FGF18: variants seen among roughly 807,000 people sequenced by gnomAD.
The protein encoded by FGF18 is fibroblast growth factor 18.
A neutral mutation model predicts 23.0 loss-of-function variants in FGF18; 5 were observed. That is an observed-to-expected ratio of 0.22 (90% CI 0.11 to 0.46). The LOEUF is 0.46. Among genes scored for constraint, FGF18 ranks in the 20% least tolerant of loss-of-function variants. The pLI, the probability that FGF18 is intolerant of heterozygous loss-of-function variation, is 0.99. For synonymous variants in FGF18, 117 were observed against 118.9 expected, an observed-to-expected ratio of 0.98 and a Z score of 0.10; for missense variants, 180 against 291.6, an observed-to-expected ratio of 0.62 and a Z score of 2.79.
chr5:171,430,560 G>C (rs1425771796), intron 2 of FGF18, among the ~76,000 whole-genome samples: 53 of 143,068 alleles, frequency 3.7e-4, no homozygotes, highest in Non-Finnish European at 5.8e-4. Context: ...AGGCCGAGGC[G>C]GGTGGATCAT....
At chr5:171,442,605 C>T (rs1271435191) in intron 3 of FGF18, among the ~76,000 whole-genome samples, 1 of 152,250 alleles carries the variant, frequency 6.6e-6, no homozygotes, top group African/African-American at 2.4e-5. Flanking sequence ...TTACCCCAGG[C>T]TTGGGGAAAA....
intron 3 of FGF18, among the ~76,000 whole-genome samples, chr5:171,437,632 G>A (rs1272628525): frequency 6.6e-6 from 1 of 152,028 alleles, no homozygotes. Flanking sequence ...CCTCTCCCAG[G>A]CCCTCTGCTG....
At position 171,436,331 on chromosome 5, in the gene FGF18, T is replaced by G. The variant is rs529686519; in HGVS notation, c.250+58T>G. 1 of 1,323,452 alleles carries G rather than the reference T, an allele frequency of 7.6e-7. No homozygotes were observed. The highest frequency in any genetic ancestry group is 1.9e-5 in the South Asian group (1 of 51,624). 82.0% of individuals were successfully genotyped at this position (1,323,452 alleles called of 1,614,324 possible). A position where few individuals can be genotyped will look rare whatever the true frequency, so the allele number is the denominator to read the frequency against. ...ACCCGTGTACATGTCCTTCCTGGCC[T>G]CAGAGACCTCAAGTTCAAATGCCAG... On this transcript the variant is annotated intron_variant, in intron 3 of 4. Coordinates refer to ENST00000274625, the MANE Select transcript of FGF18 (RefSeq NM_003862.3). This position sits in a 1 kb window ranked among gnomAD's most constrained non-coding sequence, Gnocchi z 4.4.
chr5:171,437,973 C>T (rs1772277101), intron 3 of FGF18, among the ~76,000 whole-genome samples: 1 of 152,226 alleles, frequency 6.6e-6, no homozygotes, highest in African/African-American at 2.4e-5. Flanking sequence ...ATTCCCTCTG[C>T]CTGAACTGGG....
In FGF18 at chr5:171,457,517, A is replaced by G. The variant is rs914653564; in HGVS notation, c.*712A>G. 2.0e-5 allele frequency: 3 copies of G among 151,380 alleles called. No individual in the cohort carries two copies. Among genetic ancestry groups the G allele is most frequent in the Admixed American group, 6.6e-5 (1 of 15,208 alleles). The allele number at this position is 151,380 out of a possible 1,614,324, so 9.4% of individuals were successfully genotyped here. ...TTTTAAAACCAGCTATATTATATAT[A>G]TTATATATATATAAGCTATTTATTT... On this transcript the variant is annotated 3_prime_UTR_variant, in exon 5 of 5. Coordinates refer to ENST00000274625, the MANE Select transcript of FGF18 (RefSeq NM_003862.3).
chr5:171,453,177 GC>G (rs1485533960), intron 4 of FGF18, among the ~76,000 whole-genome samples: 2 of 151,860 alleles, frequency 1.3e-5, no homozygotes, highest in African/African-American at 2.4e-5. Flanking sequence ...TGGAGTCTCT[GC>G]TGTGGTGAGC....
Position 171,451,675 on chromosome 5 carries a change from C to T in FGF18, c.357+2422C>T, listed in dbSNP as rs995461228. On this transcript the variant is annotated intron_variant, in intron 4 of 4. Coordinates refer to ENST00000274625, the MANE Select transcript of FGF18 (RefSeq NM_003862.3). This position sits in a 1 kb window ranked among gnomAD's most constrained non-coding sequence, Gnocchi z 4.5. ...AGCTCCAAACCCATCCATGGGTCCT[C>T]CCACCTTGCTATGGGACACCGAAGG... Among the ~76,000 whole-genome samples the T allele has an allele frequency of 1.3e-5, 2 of 152,162 alleles. No individual in the cohort carries two copies. The highest frequency in any genetic ancestry group is 2.9e-5 in the Non-Finnish European group (2 of 68,022).
At chr5:171,441,807 A>T (rs1772349547) in intron 3 of FGF18, among the ~76,000 whole-genome samples, 1 of 152,150 alleles carries the variant, frequency 6.6e-6, no homozygotes, top group Admixed American at 6.5e-5. Flanking sequence ...GTGTCAGGGT[A>T]TGTGGCAGGT....
Position 171,434,602 on chromosome 5 carries a change from G to A in FGF18, c.70-1491G>A, listed in dbSNP as rs960710401. ...AGAATGCTGTCTGGGCTTCAGGAATGGCTCAGCCTTGTGGTTGACATGGGA... is the reference window on the plus strand; with the variant it reads ...AGAATGCTGTCTGGGCTTCAGGAATAGCTCAGCCTTGTGGTTGACATGGGA... On this transcript the variant is annotated intron_variant, in intron 2 of 4. Coordinates refer to ENST00000274625, the MANE Select transcript of FGF18 (RefSeq NM_003862.3). This position sits in a 1 kb window ranked among gnomAD's most constrained non-coding sequence, Gnocchi z 4.6. 6.6e-6 allele frequency among the ~76,000 whole-genome samples: 1 copy of A among 152,178 alleles called. No homozygotes were observed. The highest frequency in any genetic ancestry group is 1.5e-5 in the Non-Finnish European group (1 of 68,044).
intron 2 of FGF18, among the ~76,000 whole-genome samples, chr5:171,424,379 G>A (rs912981093): frequency 6.6e-6 from 1 of 152,232 alleles, no homozygotes; most frequent in African/African-American, 2.4e-5. Context: ...AAATTCTAAA[G>A]TGTCCCTTAC....
chr5:171,433,541 T>C (rs986282458), intron 2 of FGF18, among the ~76,000 whole-genome samples: 1 of 152,138 alleles, frequency 6.6e-6, no homozygotes, highest in African/African-American at 2.4e-5. Context: ...TCAGGAGCAC[T>C]GGAGTTCTTC....
chr5:171,421,116 G>A (rs1168507497), intron 2 of FGF18, among the ~76,000 whole-genome samples: 1 of 152,234 alleles, frequency 6.6e-6, no homozygotes, highest in Admixed American at 6.5e-5. Context: ...AGGGCTTGGC[G>A]CTCGGCCTGG....
chr5:171,435,264 T>C (rs1371634996), intron 2 of FGF18, among the ~76,000 whole-genome samples: 1 of 151,498 alleles, frequency 6.6e-6, no homozygotes, highest in Non-Finnish European at 1.5e-5. Flanking sequence ...GGAGAGGGGA[T>C]TGGGTTTGGT....
At chr5:171,437,521 G>A (rs757796140) in intron 3 of FGF18, among the ~76,000 whole-genome samples, 2 of 151,954 alleles carry the variant, frequency 1.3e-5, no homozygotes, top group Non-Finnish European at 2.9e-5. Context: ...TCTTCCTTTC[G>A]CAGCTTTTCC....
Position 171,440,573 on chromosome 5 carries a change from A to G in FGF18, c.250+4300A>G, listed in dbSNP as rs3934591. ...AAAGAGCCTTCAGTCTAGGGCCCCCATTCCTTACTAGAGGCTGACTTTGAG... is the reference window on the plus strand; with the variant it reads ...AAAGAGCCTTCAGTCTAGGGCCCCCGTTCCTTACTAGAGGCTGACTTTGAG... On this transcript the variant is annotated intron_variant, in intron 3 of 4. Coordinates refer to ENST00000274625, the MANE Select transcript of FGF18 (RefSeq NM_003862.3). This position sits in a 1 kb window ranked among gnomAD's most constrained non-coding sequence, Gnocchi z 4.0. 0.55 allele frequency among the ~76,000 whole-genome samples: 83,927 copies of G among 151,886 alleles called. 23,319 individuals carry two copies. The highest frequency in any genetic ancestry group is 0.6 in the African/African-American group (25,034 of 41,412).
Position 171,436,985 on chromosome 5 carries a change from G to A in FGF18, c.250+712G>A, listed in dbSNP as rs1288131516. 6.6e-6 allele frequency among the ~76,000 whole-genome samples: 1 copy of A among 152,244 alleles called. No homozygotes were observed. The highest frequency in any genetic ancestry group is 2.4e-5 in the African/African-American group (1 of 41,470). On this transcript the variant is annotated intron_variant, in intron 3 of 4. Coordinates refer to ENST00000274625, the MANE Select transcript of FGF18 (RefSeq NM_003862.3). The surrounding 1 kb of genome is among the most constrained non-coding windows in gnomAD (Gnocchi z 4.4). ...GGCCTCTGGCCTAGACAGACACTGA[G>A]CAAATACCACGCAGATTATTTATTT... is the stretch of plus-strand genomic sequence containing the variant.
chr5:171,425,521 G>A (rs1432896255), intron 2 of FGF18, among the ~76,000 whole-genome samples: 1 of 130,486 alleles, frequency 7.7e-6, no homozygotes, highest in Non-Finnish European at 1.6e-5. Context: ...GCACCTGGCC[G>A]CCATGTGCTT....
intron 2 of FGF18, among the ~76,000 whole-genome samples, chr5:171,435,229 T>A (rs1353301377): frequency 6.6e-6 from 1 of 151,778 alleles, no homozygotes; most frequent in Admixed American, 6.6e-5. Context: ...TTCACTGAAG[T>A]GTGATGGGAA....
At position 171,434,769 on chromosome 5, in the gene FGF18, T is replaced by C. The variant is rs145136297; in HGVS notation, c.70-1324T>C. On this transcript the variant is annotated intron_variant, in intron 2 of 4. Transcript: ENST00000274625. This position sits in a 1 kb window ranked among gnomAD's most constrained non-coding sequence, Gnocchi z 4.6. The stretch of plus-strand genomic sequence containing the variant: ...TTTCTACCGTGTTAGGTGCTGCGGA[T>C]ATAGTGGCAAATGAGAGACACTGCT... 1.3e-5 allele frequency among the ~76,000 whole-genome samples: 2 copies of C among 151,950 alleles called. No homozygotes were observed. Among genetic ancestry groups the C allele is most frequent in the South Asian group, 2.1e-4 (1 of 4,806 alleles).
Sources: allele counts gnomAD v4.1 joint callset (sites outside exome capture counted in the v4.1 genomes callset), GRCh38; gene constraint gnomAD v4.1.1; non-coding constraint Gnocchi (gnomAD v3.1); transcripts MANE v1.5; gene names NCBI Gene and HGNC (gene_info 2026-07-23, HGNC 2026-07-21).